Variants in PTH observed in about 807,000 individuals in gnomAD.
PTH encodes the protein parathyroid hormone, also known as parathormone.
A neutral mutation model predicts 7.4 loss-of-function variants in PTH; 7 were observed. That is an observed-to-expected ratio of 0.94 (90% CI 0.53 to 1.77). The LOEUF (loss-of-function observed/expected upper bound fraction) is 1.77, where lower values mean the gene tolerates loss of function less well. Ranked by LOEUF, PTH falls within the 40% of genes most tolerant of loss-of-function variation. The pLI, the probability that PTH is intolerant of heterozygous loss-of-function variation, is 0.00. For missense variants in PTH, 128 were observed against 137.1 expected (o/e 0.93, Z 0.33); for synonymous variants, 51 against 46.6 (o/e 1.09, Z -0.39).
At chr11:13,494,263 ATCTACTC>A (rs1847513512) in intron 1 of PTH, among the ~76,000 whole-genome samples, 1 of 152,130 alleles carries the variant, frequency 6.6e-6, no homozygotes, top group Non-Finnish European at 1.5e-5. Context: ...CCCTCCCTGC[ATCTACTC>A]TCCTAACAGC....
At position 13,492,555 on chromosome 11, in the gene PTH, A is replaced by C; in HGVS notation, c.198T>G (p.Val66=). 6.2e-7 allele frequency: 1 copy of C among 1,614,140 alleles called. No individual in the cohort carries two copies. Among genetic ancestry groups the C allele is most frequent in the South Asian group, 1.1e-5 (1 of 91,078 alleles). The change falls in exon 3 of 3, where the codon GTT becomes GTG. Residue 66 remains valine (V), a synonymous_variant. Transcript: ENST00000282091. ...TGGGAGCTAGAGGAGCTCCAAGGGC[A>C]ACAAAATTGTGCACATCCTGCAGCT... The part of the protein sequence containing the change: ...RKKLQDVHNF[V]ALGAPLAPRD...
chr11:13,495,321 T>C (rs1847525449), intron 1 of PTH, among the ~76,000 whole-genome samples: 1 of 152,156 alleles, frequency 6.6e-6, no homozygotes, highest in Non-Finnish European at 1.5e-5. Flanking sequence ...ACACATAGAG[T>C]AGTTATGTAC....
At chr11:13,493,199 A>T (rs987772245) in intron 1 of PTH, among the ~76,000 whole-genome samples, 1 of 152,002 alleles carries the variant, frequency 6.6e-6, no homozygotes, top group Non-Finnish European at 1.5e-5. Flanking sequence ...CAAACAGTAT[A>T]AAGAATGTAC....
rs145539335 is a variant in PTH, at chr11:13,495,732, G to C, written c.-6+179C>G. On this transcript the variant is annotated intron_variant, in intron 1 of 2. Transcript: ENST00000282091. ...GAAGACTTTAATCAAAAAGGATTTT[G>C]TGATTTGAGTAGCATTAATTTATTT... Among the ~76,000 whole-genome samples the C allele has an allele frequency of 5.1e-3, 769 of 152,232 alleles. 1 individual carries two copies. The highest frequency in any genetic ancestry group is 8.8e-3 in the Non-Finnish European group (598 of 67,994).
chr11:13,494,410 C>T (rs1487777018), intron 1 of PTH, among the ~76,000 whole-genome samples: 1 of 152,124 alleles, frequency 6.6e-6, no homozygotes, highest in Non-Finnish European at 1.5e-5. Context: ...CTCTGTCATA[C>T]AGAATGCTGG....
chr11:13,492,965 C>G, intron 1 of PTH, 105 bp from the exon 2 acceptor site: 1 of 980,836 alleles, frequency 1.0e-6, no homozygotes, highest in Non-Finnish European at 1.6e-6. Flanking sequence ...TCACGAGAAG[C>G]TTTTGGAATC....
At position 13,492,392 on chromosome 11, in the gene PTH, T is replaced by A. The variant is rs1197361749; in HGVS notation, c.*13A>T. ...TGTCTAGAGCAGAACTCTGACAATA[T>A]CTGTTTTCATTTTCACTGGGATTTA... On this transcript the variant is annotated 3_prime_UTR_variant, in exon 3 of 3. Coordinates refer to ENST00000282091, the MANE Select transcript of PTH (RefSeq NM_000315.4). The A allele has an allele frequency of 6.2e-7, 1 of 1,609,850 alleles. No individual in the cohort carries two copies.
chr11:13,492,776 G>A lies in PTH; in HGVS notation c.80C>T (p.Ser27Phe). 6.2e-7 allele frequency: 1 copy of A among 1,613,916 alleles called. No individual in the cohort carries two copies. The highest frequency in any genetic ancestry group is 8.5e-7 in the Non-Finnish European group (1 of 1,179,940). Residue 27 changes from serine to phenylalanine, a missense_variant, in exon 2 of 3, where the codon TCT (serine) becomes TTT (phenylalanine). Transcript: ENST00000282091. Reference sequence around the variant, plus strand: ...AAGGCAAAACAGTACTTACTTAACAGATTTCCCATCCGATTTTGTAAGAAA... The same window carrying A: ...AAGGCAAAACAGTACTTACTTAACAAATTTCCCATCCGATTTTGTAAGAAA... ...ICFLTKSDGK[S>F]VKKRSVSEIQ...
chr11:13,492,976 A>G (rs1847495306), intron 1 of PTH, 116 bp from the exon 2 acceptor site: 1 of 916,714 alleles, frequency 1.1e-6, no homozygotes, highest in African/African-American at 1.7e-5. Flanking sequence ...TTTTGGAATC[A>G]ACCTCTTTAT....
At chr11:13,494,623 A>G (rs1847517610) in intron 1 of PTH, among the ~76,000 whole-genome samples, 1 of 152,168 alleles carries the variant, frequency 6.6e-6, no homozygotes, top group Non-Finnish European at 1.5e-5. Flanking sequence ...CTTCTGACCT[A>G]TCTTTATACT....
chr11:13,492,774 C>A lies in PTH; in HGVS notation c.82G>T (p.Val28Phe), dbSNP rs1170883858. ...CCAAGGCAAAACAGTACTTACTTAA[C>A]AGATTTCCCATCCGATTTTGTAAGA... is the stretch of plus-strand genomic sequence containing the variant. ...CFLTKSDGKSVKKRSVSEIQL... is the reference protein window; with the variant it reads ...CFLTKSDGKSFKKRSVSEIQL... Residue 28 changes from valine (V) to phenylalanine (F), a missense_variant, in exon 2 of 3, where the codon GTT becomes TTT. Coordinates refer to ENST00000282091, the MANE Select transcript of PTH (RefSeq NM_000315.4). 2 of 1,613,986 alleles carry A rather than the reference C, an allele frequency of 1.2e-6. No individual in the cohort carries two copies. The highest frequency in any genetic ancestry group is 4.5e-5 in the East Asian group (2 of 44,886).
At chr11:13,493,833 A>T (rs568095484) in intron 1 of PTH, among the ~76,000 whole-genome samples, 31 of 152,266 alleles carry the variant, frequency 2.0e-4, no homozygotes, top group Admixed American at 5.9e-4. Context: ...AATTTTTTTT[A>T]AAAAAGTATT....
chr11:13,492,163 G>A lies in PTH; in HGVS notation c.*242C>T, dbSNP rs1363531404. 6 of 466,326 alleles carry A rather than the reference G, an allele frequency of 1.3e-5. No individual in the cohort carries two copies. The East Asian group carries it at 1.5e-4, about 12-fold the overall frequency. 28.9% of individuals were successfully genotyped at this position (466,326 alleles called of 1,614,324 possible). On this transcript the variant is annotated 3_prime_UTR_variant, in exon 3 of 3. Transcript: ENST00000282091. ...GCAATTTTATTCTTTTATAAATTAT[G>A]CAATAACATACTTTAAAAAGAATAA...
Position 13,492,174 on chromosome 11 carries a change from C to T in PTH, c.*231G>A. On this transcript the variant is annotated 3_prime_UTR_variant, in exon 3 of 3. Transcript: ENST00000282091. ...CTTTTATAAATTATGCAATAACATA[C>T]TTTAAAAAGAATAAACAATAGAAAA... The T allele has an allele frequency of 1.9e-6, 1 of 513,702 alleles. No homozygotes were observed. The highest frequency in any genetic ancestry group is 3.3e-6 in the Non-Finnish European group (1 of 302,310). 31.8% of individuals were successfully genotyped at this position (513,702 alleles called of 1,614,324 possible). A position where few individuals can be genotyped will look rare whatever the true frequency, so the allele number is the denominator to read the frequency against.
Position 13,492,259 on chromosome 11 carries a change from G to A in PTH, c.*146C>T. 1 of 882,050 alleles carries A rather than the reference G, an allele frequency of 1.1e-6. No individual in the cohort carries two copies. The highest frequency in any genetic ancestry group is 1.7e-6 in the Non-Finnish European group (1 of 586,742). 54.6% of individuals were successfully genotyped at this position (882,050 alleles called of 1,614,324 possible). On this transcript the variant is annotated 3_prime_UTR_variant, in exon 3 of 3. Transcript: ENST00000282091. ...ATCAGAATAATCAATTAAAATTGCA[G>A]TTATCATGGCTAGTGATGGATTACA... is the stretch of plus-strand genomic sequence containing the variant.
Position 13,492,332 on chromosome 11 carries a change from G to T in PTH, c.*73C>A. ...ATTGGCACTTGGAAATCTTAATAGAGCTTTGAATTAGCAGCATGTATTGTT... is the reference window on the plus strand; with the variant it reads ...ATTGGCACTTGGAAATCTTAATAGATCTTTGAATTAGCAGCATGTATTGTT... On this transcript the variant is annotated 3_prime_UTR_variant, in exon 3 of 3. Coordinates refer to ENST00000282091, the MANE Select transcript of PTH (RefSeq NM_000315.4). 1.9e-6 allele frequency: 3 copies of T among 1,576,698 alleles called. No homozygotes were observed. Among genetic ancestry groups the T allele is most frequent in the South Asian group, 2.2e-5 (2 of 89,604 alleles).
Position 13,494,143 on chromosome 11 carries a change from T to C in PTH, c.-5-1283A>G, listed in dbSNP as rs543127249. 1.6e-4 allele frequency among the ~76,000 whole-genome samples: 25 copies of C among 152,202 alleles called. 1 individual carries two copies. The highest frequency in any genetic ancestry group is 1.2e-3 in the East Asian group (6 of 5,168). On this transcript the variant is annotated intron_variant, in intron 1 of 2. Transcript: ENST00000282091. Reference sequence around the variant, plus strand: ...AAAAATTAGGCACCATTTAAAAGACTTGGAGAACAGACCAGCGTGGCTTCT... The same window carrying C: ...AAAAATTAGGCACCATTTAAAAGACCTGGAGAACAGACCAGCGTGGCTTCT...
Position 13,492,755 on chromosome 11 carries a change from C to A in PTH, c.86+15G>T. On this transcript the variant is annotated intron_variant, in intron 2 of 2. Coordinates refer to ENST00000282091, the MANE Select transcript of PTH (RefSeq NM_000315.4). ...CAACATTAAAAATCCAATTCCAAGG[C>A]AAAACAGTACTTACTTAACAGATTT... 1.2e-6 allele frequency: 2 copies of A among 1,613,858 alleles called. No individual in the cohort carries two copies. The highest frequency in any genetic ancestry group is 1.7e-6 in the Non-Finnish European group (2 of 1,179,896).
chr11:13,492,550 AG>A lies in PTH; in HGVS notation c.202del (p.Gly69GlufsTer4), dbSNP rs749037995. On this transcript the variant is annotated frameshift_variant, in exon 3 of 3. Transcript: ENST00000282091. LOFTEE classifies it high-confidence loss of function. The part of the protein sequence containing the change: ...KLQDVHNFVA[L>X]GAPLAPRDAG... ...ATCTCTGGGAGCTAGAGGAGCTCCAAGGGCAACAAAATTGTGCACATCCTGC... is the reference window on the plus strand; with the variant it reads ...ATCTCTGGGAGCTAGAGGAGCTCCAAGGCAACAAAATTGTGCACATCCTGC... 6.2e-7 allele frequency: 1 copy of A among 1,614,146 alleles called. No homozygotes were observed. The highest frequency in any genetic ancestry group is 2.2e-5 in the East Asian group (1 of 44,866).
Sources: allele counts gnomAD v4.1 joint callset (sites outside exome capture counted in the v4.1 genomes callset), GRCh38; gene constraint gnomAD v4.1.1; transcripts MANE v1.5; gene names NCBI Gene and HGNC (gene_info 2026-07-23, HGNC 2026-07-21).